The following AFF3 variants were observed in gnomAD, a reference collection of about 807,000 sequenced individuals.
The protein encoded by AFF3 is ALF transcription elongation factor 3.
A neutral mutation model predicts 129.7 loss-of-function variants in AFF3; 32 were observed. The ratio of observed to expected loss-of-function variants is 0.25; its 90% CI spans 0.19 to 0.33. The LOEUF (loss-of-function observed/expected upper bound fraction) is 0.33, where lower values mean the gene tolerates loss of function less well. Ranked by LOEUF, AFF3 falls within the 10% of genes least tolerant of loss-of-function variation. The probability of loss-of-function intolerance (pLI) is 1.00; values close to 1 mark genes in which losing one functional copy is unlikely to be tolerated. For synonymous variants in AFF3, 644 were observed against 635.4 expected (o/e 1.01, Z -0.20); for missense variants, 1,373 against 1,592.0 (o/e 0.86, Z 2.34).
At chr2:99,833,972 G>A (rs780242328) in intron 8 of AFF3, among the ~76,000 whole-genome samples, 3 of 152,268 alleles carry the variant, frequency 2.0e-5, no homozygotes, top group East Asian at 1.9e-4. Flanking sequence ...AGAACACAAC[G>A]TAATATTCAA....
At chr2:99,627,883 C>CT (rs34338568) in intron 13 of AFF3, among the ~76,000 whole-genome samples, 2,444 of 152,096 alleles carry the variant, frequency 0.016, 62 homozygotes, top group African/African-American at 0.057. Context: ...GGTGTATGGC[C>CT]TTTTTTCTGG....
At chr2:99,673,611 G>A (rs561033648) in intron 11 of AFF3, among the ~76,000 whole-genome samples, 2 of 152,334 alleles carry the variant, frequency 1.3e-5, no homozygotes, top group African/African-American at 4.8e-5. Context: ...GCCCACTTCT[G>A]AGGGACCCTG....
intron 7 of AFF3, among the ~76,000 whole-genome samples, chr2:99,953,822 G>A (rs1676383985): frequency 6.6e-6 from 1 of 152,208 alleles, no homozygotes; most frequent in Non-Finnish European, 1.5e-5. Context: ...GATGGTGTGG[G>A]AAGAACCCAA....
At chr2:99,905,088 C>A (rs191713108) in intron 7 of AFF3, among the ~76,000 whole-genome samples, 26 of 152,290 alleles carry the variant, frequency 1.7e-4, no homozygotes, top group Admixed American at 5.9e-4. Flanking sequence ...GCTCTCTCTA[C>A]CACCTCTGCC....
At chr2:99,888,712 T>C (rs1693307598) in intron 7 of AFF3, among the ~76,000 whole-genome samples, 1 of 152,136 alleles carries the variant, frequency 6.6e-6, no homozygotes, top group African/African-American at 2.4e-5. Flanking sequence ...CAAAACTGTA[T>C]CTTTTTTTTT....
chr2:100,094,060 T>C (rs1403636575), intron 4 of AFF3, among the ~76,000 whole-genome samples: 1 of 152,248 alleles, frequency 6.6e-6, no homozygotes, highest in Non-Finnish European at 1.5e-5. Flanking sequence ...CTCAAAGGGT[T>C]GCTAGAGCTG....
At chr2:99,844,178 G>A (rs1689533544) in intron 7 of AFF3, among the ~76,000 whole-genome samples, 1 of 152,092 alleles carries the variant, frequency 6.6e-6, no homozygotes, top group African/African-American at 2.4e-5. Context: ...ATGATATAAA[G>A]CCAAATCAAT....
At chr2:99,983,201 A>AGAG (rs919214983) in intron 7 of AFF3, among the ~76,000 whole-genome samples, 1 of 152,220 alleles carries the variant, frequency 6.6e-6, no homozygotes. Context: ...TTTTCCTTGA[A>AGAG]GAGGATGGTC....
intron 8 of AFF3, among the ~76,000 whole-genome samples, chr2:99,809,092 A>G (rs1261137855): frequency 2.6e-5 from 4 of 152,224 alleles, no homozygotes. Context: ...CGTCTTTTCA[A>G]GGGAAAGCAG....
At chr2:99,637,336 C>T (rs149501887) in intron 13 of AFF3, among the ~76,000 whole-genome samples, 83 of 152,368 alleles carry the variant, frequency 5.4e-4, no homozygotes, top group African/African-American at 1.7e-3. Flanking sequence ...TTTTGCGGCA[C>T]GGCCTCCGCC....
intron 7 of AFF3, among the ~76,000 whole-genome samples, chr2:99,908,269 G>A (rs899241916): frequency 5.9e-5 from 9 of 152,100 alleles, no homozygotes; most frequent in Non-Finnish European, 7.4e-5. Flanking sequence ...AAACTGGCTA[G>A]CCATATGTAG....
intron 4 of AFF3, among the ~76,000 whole-genome samples, chr2:100,087,360 C>T (rs971239411): frequency 1.1e-4 from 16 of 152,044 alleles, no homozygotes; most frequent in African/African-American, 3.9e-4. Flanking sequence ...CCTTATAATC[C>T]TGTTTACTCA....
chr2:99,576,600 G>T (rs1474047174), intron 18 of AFF3, among the ~76,000 whole-genome samples: 1 of 150,864 alleles, frequency 6.6e-6, no homozygotes, highest in Non-Finnish European at 1.5e-5. Flanking sequence ...CTAGCTTTCT[G>T]GTTCATACAC....
intron 7 of AFF3, among the ~76,000 whole-genome samples, chr2:99,929,550 T>G (rs2106291907): frequency 6.6e-6 from 1 of 152,304 alleles, no homozygotes; most frequent in African/African-American, 2.4e-5. Context: ...GAATCTAGTT[T>G]CTTGTTACCC....
chr2:99,624,462 C>T (rs1682349822), intron 13 of AFF3, among the ~76,000 whole-genome samples: 1 of 152,104 alleles, frequency 6.6e-6, no homozygotes, highest in South Asian at 2.1e-4. Context: ...GGAGAAAAGT[C>T]AGTCAATGAA....
chr2:99,845,860 T>A (rs900829224), intron 7 of AFF3, among the ~76,000 whole-genome samples: 1 of 152,150 alleles, frequency 6.6e-6, no homozygotes, highest in African/African-American at 2.4e-5. Context: ...TGAGACGGAG[T>A]CTTGCTCTGT....
chr2:99,759,421 T>G (rs967539276), intron 8 of AFF3, among the ~76,000 whole-genome samples: 1 of 126,928 alleles, frequency 7.9e-6, no homozygotes, highest in Non-Finnish European at 1.6e-5. Context: ...AGAAGTAATA[T>G]AAATTTCCTC....
rs1692427944 is a variant in AFF3, at chr2:99,878,061, C to G, written c.874-40537G>C. Reference sequence around the variant, plus strand: ...CTTGATTAGTAATCATTAAATGTTGCAGAAACACCTAACAGTTAAGTCCTA... The same window carrying G: ...CTTGATTAGTAATCATTAAATGTTGGAGAAACACCTAACAGTTAAGTCCTA... On this transcript the variant is annotated intron_variant, in intron 7 of 24. Transcript: ENST00000672756. 2.0e-5 allele frequency among the ~76,000 whole-genome samples: 3 copies of G among 152,042 alleles called. No individual in the cohort carries two copies. The South Asian group carries it at 6.2e-4, about 32-fold the overall frequency.
At chr2:99,725,220 C>A (rs1346347924) in intron 11 of AFF3, among the ~76,000 whole-genome samples, 2 of 151,942 alleles carry the variant, frequency 1.3e-5, no homozygotes, top group Non-Finnish European at 2.9e-5. Context: ...TGATCCGCCC[C>A]CCTTGGCCTC....
Sources: allele counts gnomAD v4.1 joint callset (sites outside exome capture counted in the v4.1 genomes callset), GRCh38; gene constraint gnomAD v4.1.1; transcripts MANE v1.5; gene names NCBI Gene and HGNC (gene_info 2026-07-23, HGNC 2026-07-21).